BBS9: variants seen among roughly 807,000 people sequenced by gnomAD.
BBS9 encodes Bardet-Biedl syndrome 9.
Under a neutral mutation model 117.7 loss-of-function variants are expected in BBS9, and 89 were observed. The ratio of observed to expected loss-of-function variants is 0.76; its 90% CI spans 0.64 to 0.90. BBS9 has a LOEUF of 0.90. Among genes scored for constraint, BBS9 ranks in the 40% least tolerant of loss-of-function variants. The pLI is 0.00. For synonymous variants in BBS9, 379 were observed against 370.9 expected (o/e 1.02, Z -0.25); for missense variants, 982 against 1,042.2 (o/e 0.94, Z 0.80).
chr7:33,429,613 G>A (rs1834139657), intron 19 of BBS9, among the ~76,000 whole-genome samples: 1 of 151,990 alleles, frequency 6.6e-6, no homozygotes, highest in Non-Finnish European at 1.5e-5. Flanking sequence ...CTCAGTTTCT[G>A]CATTATAAAA....
At chr7:33,422,856 C>A (rs750972573) in intron 19 of BBS9, among the ~76,000 whole-genome samples, 1 of 152,136 alleles carries the variant, frequency 6.6e-6, no homozygotes, top group Non-Finnish European at 1.5e-5. Context: ...GCAATCCTCT[C>A]GCCTTTTCCT....
chr7:33,365,800 C>T (rs1007431564), intron 16 of BBS9, among the ~76,000 whole-genome samples: 4 of 152,320 alleles, frequency 2.6e-5, no homozygotes, highest in African/African-American at 7.2e-5. Context: ...ATGAAACAGC[C>T]GGGGAGCCCG....
intron 20 of BBS9, among the ~76,000 whole-genome samples, chr7:33,527,378 T>G (rs1849742310): frequency 2.0e-5 from 3 of 152,166 alleles, no homozygotes; most frequent in East Asian, 1.9e-4. Context: ...GATCTCAGAC[T>G]GCTGTGCTAG....
In BBS9 at chr7:33,388,702, C is replaced by G. The variant is rs543710437; in HGVS notation, c.2115+558C>G. ...TTGCATGGCTAGGTGATCTGGCTGT[C>G]ACTCTTAAGGCACTGTCTCTCCAAA... On this transcript the variant is annotated intron_variant, in intron 19 of 22. Transcript: ENST00000242067. Among the ~76,000 whole-genome samples the G allele has an allele frequency of 3.9e-5, 6 of 152,270 alleles. 1 individual carries two copies. The highest frequency in any genetic ancestry group is 3.9e-4 in the Admixed American group (6 of 15,300).
chr7:33,558,019 A>C (rs926027021), intron 21 of BBS9, among the ~76,000 whole-genome samples: 3 of 152,230 alleles, frequency 2.0e-5, no homozygotes, highest in Non-Finnish European at 4.4e-5. Flanking sequence ...GAAGTGAGGT[A>C]AACTGGGAAC....
intron 19 of BBS9, among the ~76,000 whole-genome samples, chr7:33,460,612 CAG>C (rs1356144365): frequency 6.6e-6 from 1 of 151,460 alleles, no homozygotes; most frequent in African/African-American, 2.4e-5. Flanking sequence ...TTTTCACATT[CAG>C]AGTCTATTTG....
intron 9 of BBS9, among the ~76,000 whole-genome samples, chr7:33,307,961 G>A (rs1159791375): frequency 6.6e-6 from 1 of 152,118 alleles, no homozygotes; most frequent in Non-Finnish European, 1.5e-5. Flanking sequence ...CAATTGCTAG[G>A]TATTGTTAGC....
intron 21 of BBS9, among the ~76,000 whole-genome samples, chr7:33,554,102 A>G (rs142036740): frequency 1.5e-4 from 23 of 152,230 alleles, no homozygotes; most frequent in African/African-American, 4.8e-4. Flanking sequence ...TGGCACATTC[A>G]AAAGACACAT....
chr7:33,383,795 T>C lies in BBS9; in HGVS notation c.1919T>C (p.Ile640Thr). 1 of 1,612,826 alleles carries C rather than the reference T, an allele frequency of 6.2e-7. No homozygotes were observed. Among genetic ancestry groups the C allele is most frequent in the Non-Finnish European group, 8.5e-7 (1 of 1,179,894 alleles). The change falls in exon 18 of 23, where the codon ATA becomes ACA. Residue 640 changes from isoleucine (I) to threonine (T), a missense_variant. Transcript: ENST00000242067. ...TTTGCATGTTCTTTTTCGGGATCTA[T>C]ACCCCTTCAAGAATATTTTGAGTTG... ...KDFACSFSGS[I>T]PLQEYFELID...
chr7:33,177,679 C>T, intron 5 of BBS9, 88 bp downstream of exon 5: 5 of 986,000 alleles, frequency 5.1e-6, no homozygotes, highest in Non-Finnish European at 8.0e-6. Flanking sequence ...AGTGGTTTGA[C>T]TCTCAGAAAG....
At chr7:33,278,459 TAC>T (rs760991320) in intron 9 of BBS9, among the ~76,000 whole-genome samples, 4 of 152,162 alleles carry the variant, frequency 2.6e-5, no homozygotes, top group Admixed American at 6.5e-5. Flanking sequence ...TTGTTAGAAA[TAC>T]AGATTCACTA....
intron 21 of BBS9, among the ~76,000 whole-genome samples, chr7:33,534,938 G>A: frequency 6.6e-6 from 1 of 152,208 alleles, no homozygotes; most frequent in East Asian, 1.9e-4. Flanking sequence ...GAACCACAGT[G>A]TGGGAAGTGG....
At chr7:33,463,207 G>T (rs1247556739) in intron 19 of BBS9, among the ~76,000 whole-genome samples, 3 of 152,014 alleles carry the variant, frequency 2.0e-5, no homozygotes, top group Non-Finnish European at 4.4e-5. Flanking sequence ...ACAGACAATT[G>T]ACAAAACCAA....
intron 9 of BBS9, among the ~76,000 whole-genome samples, chr7:33,281,016 G>T (rs1420943986): frequency 1.4e-5 from 2 of 142,830 alleles, no homozygotes; most frequent in African/African-American, 5.1e-5. Flanking sequence ...ACATTCCACA[G>T]AAAATTCATA....
intron 9 of BBS9, chr7:33,314,473 A>T: frequency 4.4e-6 from 1 of 229,404 alleles, no homozygotes. Context: ...AGGAATAGGG[A>T]AGGAATATTA....
At chr7:33,481,485 TATG>T (rs1279238108) in intron 19 of BBS9, among the ~76,000 whole-genome samples, 1 of 151,890 alleles carries the variant, frequency 6.6e-6, no homozygotes, top group African/African-American at 2.4e-5. Flanking sequence ...AATTATGTAA[TATG>T]ATATTATATA....
intron 9 of BBS9, among the ~76,000 whole-genome samples, chr7:33,294,290 CATCTATCTATCTATCTATCTATCT>C (rs57892221): frequency 0.014 from 1,934 of 141,296 alleles, 32 homozygotes; most frequent in African/African-American, 0.037. Flanking sequence ...ATCTATCTAT[CATCTATCTATCTATCTATCTATCT>C]ATCTATCTAT....
chr7:33,373,635 A>G (rs1296301518), intron 17 of BBS9, among the ~76,000 whole-genome samples: 1 of 152,200 alleles, frequency 6.6e-6, no homozygotes, highest in Non-Finnish European at 1.5e-5. Context: ...TGGATAAAGT[A>G]TACCTAATGT....
chr7:33,591,521 TG>T (rs1466552073), intron 21 of BBS9, among the ~76,000 whole-genome samples: 4 of 152,074 alleles, frequency 2.6e-5, no homozygotes, highest in East Asian at 3.9e-4. Context: ...CAGAAGGACT[TG>T]CCAACACCCG....
Sources: gnomAD v4.1 joint callset for allele counts (sites outside exome capture counted in the v4.1 genomes callset) on GRCh38, gnomAD v4.1.1 for gene constraint, MANE v1.5 for transcripts, NCBI Gene and HGNC (gene_info 2026-07-23, HGNC 2026-07-21) for gene names.